The following ZGRF1 variants were observed in gnomAD, a reference collection of about 807,000 sequenced individuals.
ZGRF1 encodes zinc finger GRF-type containing 1.
ZGRF1 carries 196 observed loss-of-function variants against 203.5 expected under a neutral mutation model. That is an observed-to-expected ratio of 0.96 (90% CI 0.86 to 1.08). ZGRF1 has a LOEUF of 1.08. Among genes scored for constraint, ZGRF1 ranks in the 50% least tolerant of loss-of-function variants. ZGRF1 has a pLI of 0.00. For missense variants in ZGRF1, 2,326 were observed against 2,416.3 expected (o/e 0.96, Z 0.78); for synonymous variants, 809 against 841.3 (o/e 0.96, Z 0.66).
At chr4:112,560,634 T>C (rs1578720979) in intron 19 of ZGRF1, 99 bp downstream of exon 19, 2 of 1,059,900 alleles carry the variant, frequency 1.9e-6, no homozygotes, top group East Asian at 2.4e-5. Flanking sequence ...AGAGTTATTC[T>C]TGAACCTCAT....
At chr4:112,597,552 A>C (rs185694019) in intron 10 of ZGRF1, among the ~76,000 whole-genome samples, 75 of 151,974 alleles carry the variant, frequency 4.9e-4, no homozygotes, top group African/African-American at 1.8e-3. Flanking sequence ...TAATAGTAAT[A>C]ATAATTCTAG....
intron 23 of ZGRF1, among the ~76,000 whole-genome samples, chr4:112,547,886 T>C (rs1476275569): frequency 3.3e-5 from 5 of 152,208 alleles, no homozygotes; most frequent in South Asian, 2.1e-4. Flanking sequence ...CATTATATTT[T>C]AGAGACCCAG....
In ZGRF1 at chr4:112,560,760, G is replaced by C. The variant is rs1741807126; in HGVS notation, c.4933C>G (p.His1645Asp). ...SIEEVKELQTHTFPITIIHGV... is the reference protein window; with the variant it reads ...SIEEVKELQTDTFPITIIHGV... ...TGTATGATTGTGATAGGGAAGGTATGAGTTTGCAGTTCCTTCACTTCTTCA... is the reference window on the plus strand; with the variant it reads ...TGTATGATTGTGATAGGGAAGGTATCAGTTTGCAGTTCCTTCACTTCTTCA... The change falls in exon 19 of 28, where the codon CAT becomes GAT. Residue 1645 changes from histidine (H) to aspartate (D), a missense_variant. By Grantham distance (81) the His-to-Asp change is moderately conservative. Coordinates refer to ENST00000505019, the MANE Select transcript of ZGRF1 (RefSeq NM_018392.5). 3 of 1,596,078 alleles carry C rather than the reference G, an allele frequency of 1.9e-6. No individual in the cohort carries two copies. Among genetic ancestry groups the C allele is most frequent in the Non-Finnish European group, 2.6e-6 (3 of 1,165,620 alleles).
intron 16 of ZGRF1, among the ~76,000 whole-genome samples, chr4:112,569,316 T>C (rs986010835): frequency 6.6e-6 from 1 of 152,224 alleles, no homozygotes; most frequent in African/African-American, 2.4e-5. Context: ...TAGAATATAA[T>C]CCAATAAATC....
At chr4:112,604,948 TCAAAAATGAAGAAC>T (rs1750550287) in intron 9 of ZGRF1, among the ~76,000 whole-genome samples, 1 of 152,176 alleles carries the variant, frequency 6.6e-6, no homozygotes, top group Non-Finnish European at 1.5e-5. Flanking sequence ...ATACTCTTAT[TCAAAAATGAAGAAC>T]TGTAAATCAC....
intron 6 of ZGRF1, among the ~76,000 whole-genome samples, chr4:112,615,847 C>T (rs2046849644): frequency 6.6e-6 from 1 of 151,528 alleles, no homozygotes; most frequent in Non-Finnish European, 1.5e-5. Context: ...GTTGGCCAGA[C>T]TGGTCTCGAA....
chr4:112,571,673 C>A lies in ZGRF1; in HGVS notation c.4439-8399G>T, dbSNP rs1196656507. Among the ~76,000 whole-genome samples, 3 of 152,224 alleles carry A rather than the reference C, an allele frequency of 2.0e-5. No homozygotes were observed. In the East Asian group the frequency reaches 5.8e-4, roughly 29 times the overall value. On this transcript the variant is annotated intron_variant, in intron 16 of 27. Coordinates refer to ENST00000505019, the MANE Select transcript of ZGRF1 (RefSeq NM_018392.5). Reference sequence around the variant, plus strand: ...GTGTCGGGATTACAGGCGTGAGCCACCATGCTCAGCCCTAAATCTTGGTAT... The same window carrying A: ...GTGTCGGGATTACAGGCGTGAGCCAACATGCTCAGCCCTAAATCTTGGTAT...
chr4:112,586,931 C>T (rs1238420638), intron 12 of ZGRF1, among the ~76,000 whole-genome samples: 1 of 152,116 alleles, frequency 6.6e-6, no homozygotes, highest in Non-Finnish European at 1.5e-5. Context: ...AAATAAGATG[C>T]ACCTTTACCC....
intron 3 of ZGRF1, among the ~76,000 whole-genome samples, chr4:112,628,369 A>G (rs1303887279): frequency 1.3e-5 from 2 of 152,232 alleles, no homozygotes; most frequent in South Asian, 2.1e-4. Flanking sequence ...ATAAGAGAAG[A>G]GCCAGAATTG....
At chr4:112,609,992 A>G (rs948462504) in intron 7 of ZGRF1, among the ~76,000 whole-genome samples, 2 of 151,876 alleles carry the variant, frequency 1.3e-5, no homozygotes, top group African/African-American at 4.8e-5. Context: ...TGTAACAGTT[A>G]GTTAGGTATG....
chr4:112,581,545 A>G (rs1746255570), intron 16 of ZGRF1, 118 bp downstream of exon 16: 3 of 450,940 alleles, frequency 6.7e-6, no homozygotes, highest in Admixed American at 4.7e-5. Flanking sequence ...ACATATTACT[A>G]TTAAATTATA....
intron 24 of ZGRF1, among the ~76,000 whole-genome samples, chr4:112,542,908 C>T (rs944887845): frequency 6.6e-5 from 10 of 151,958 alleles, no homozygotes; most frequent in African/African-American, 2.2e-4. Flanking sequence ...ACTGCAGCCT[C>T]GAACTCCTGG....
chr4:112,613,305 A>G (rs1007650978), intron 6 of ZGRF1, among the ~76,000 whole-genome samples: 2 of 152,212 alleles, frequency 1.3e-5, no homozygotes, highest in Non-Finnish European at 2.9e-5. Context: ...CAAAAGAAAA[A>G]AAAACAGCAC....
At chr4:112,575,345 G>A (rs1054368201) in intron 16 of ZGRF1, among the ~76,000 whole-genome samples, 11 of 152,268 alleles carry the variant, frequency 7.2e-5, no homozygotes, top group African/African-American at 1.9e-4. Context: ...AGCTCCCAGC[G>A]TGAGCAATGC....
chr4:112,572,325 G>A (rs1373086049), intron 16 of ZGRF1, among the ~76,000 whole-genome samples: 4 of 152,158 alleles, frequency 2.6e-5, no homozygotes, highest in African/African-American at 9.7e-5. Context: ...TCAACAAATG[G>A]TGCTGGGATA....
intron 3 of ZGRF1, chr4:112,628,510 T>G: frequency 2.2e-6 from 1 of 446,706 alleles, no homozygotes; most frequent in East Asian, 7.0e-5. Context: ...TGAATAACTT[T>G]GACAGAATTT....
chr4:112,573,748 T>A (rs1240555847), intron 16 of ZGRF1, among the ~76,000 whole-genome samples: 2 of 152,034 alleles, frequency 1.3e-5, no homozygotes, highest in Non-Finnish European at 2.9e-5. Flanking sequence ...TAAAGACACC[T>A]TAAAGTAAGT....
At chr4:112,630,673 C>T (rs1383163331) in intron 3 of ZGRF1, among the ~76,000 whole-genome samples, 1 of 152,068 alleles carries the variant, frequency 6.6e-6, no homozygotes, top group Non-Finnish European at 1.5e-5. Flanking sequence ...ATTTGGATCA[C>T]CTGAGGTCAG....
At position 112,539,441 on chromosome 4, in the gene ZGRF1, T is replaced by C. The variant is rs1301003079; in HGVS notation, c.*106A>G. On this transcript the variant is annotated 3_prime_UTR_variant, in exon 28 of 28. Coordinates refer to ENST00000505019, the MANE Select transcript of ZGRF1 (RefSeq NM_018392.5). ...ACATGTGTTTACTATGTTATTTAAA[T>C]ATCATATTTTTAATAAGAGGGTTTA... 5.0e-6 allele frequency: 3 copies of C among 604,942 alleles called. No individual in the cohort carries two copies. Among genetic ancestry groups the C allele is most frequent in the Non-Finnish European group, 7.7e-6 (3 of 390,796 alleles). The allele number at this position is 604,942 out of a possible 1,614,324, so 37.5% of individuals were successfully genotyped here.
Sources: gnomAD v4.1 joint callset for allele counts (sites outside exome capture counted in the v4.1 genomes callset) on GRCh38, gnomAD v4.1.1 for gene constraint, MANE v1.5 for transcripts, NCBI Gene and HGNC (gene_info 2026-07-23, HGNC 2026-07-21) for gene names.